SLC39A11: variants seen among roughly 807,000 people sequenced by gnomAD.
SLC39A11 encodes solute carrier family 39 member 11, also known as zinc transporter ZIP11.
SLC39A11 carries 33 observed loss-of-function variants against 36.1 expected under a neutral mutation model. The ratio of observed to expected loss-of-function variants is 0.91; its 90% confidence interval spans 0.69 to 1.22. The LOEUF (loss-of-function observed/expected upper bound fraction) is 1.22. SLC39A11 is among the 50% of genes most tolerant of loss of function. The pLI, the probability that SLC39A11 is intolerant of heterozygous loss-of-function variation, is 0.00. For missense variants in SLC39A11, 432 were observed against 430.3 expected (o/e 1.00, Z -0.03); for synonymous variants, 166 against 170.3 (o/e 0.97, Z 0.20).
chr17:73,029,862 A>G (rs527409405), intron 4 of SLC39A11, among the ~76,000 whole-genome samples: 2 of 152,322 alleles, frequency 1.3e-5, no homozygotes, highest in Non-Finnish European at 2.9e-5. Context: ...AATTACAGGC[A>G]TGAACCACTG....
chr17:72,767,043 G>C (rs56880183), intron 6 of SLC39A11, among the ~76,000 whole-genome samples: 2 of 152,130 alleles, frequency 1.3e-5, no homozygotes, highest in African/African-American at 4.8e-5. Flanking sequence ...CCAAGCCTGT[G>C]ATAAGCTCTC....
At chr17:72,953,299 TGAAGAA>T (rs535456337) in intron 4 of SLC39A11, among the ~76,000 whole-genome samples, 1 of 151,724 alleles carries the variant, frequency 6.6e-6, no homozygotes, top group African/African-American at 2.4e-5. Flanking sequence ...AGGCAGGAGC[TGAAGAA>T]GAAGAATAGC....
At chr17:72,950,994 G>C (rs985331605) in intron 4 of SLC39A11, among the ~76,000 whole-genome samples, 17 of 152,006 alleles carry the variant, frequency 1.1e-4, no homozygotes, top group African/African-American at 4.1e-4. Flanking sequence ...AGGCACAGTG[G>C]CTCATGCCTA....
chr17:72,702,091 G>A (rs1242861916), intron 7 of SLC39A11, among the ~76,000 whole-genome samples: 1 of 105,272 alleles, frequency 9.5e-6, no homozygotes, highest in Non-Finnish European at 2.1e-5. Context: ...AGGTAATGGA[G>A]TGAGACTCTG....
chr17:72,810,658 A>G (rs1285741270), intron 6 of SLC39A11, among the ~76,000 whole-genome samples: 10 of 152,006 alleles, frequency 6.6e-5, no homozygotes, highest in African/African-American at 2.4e-4. Context: ...TGATCTCAAT[A>G]GTGGTTATAT....
intron 2 of SLC39A11, among the ~76,000 whole-genome samples, chr17:73,088,130 C>T (rs919873629): frequency 6.6e-6 from 1 of 151,914 alleles, no homozygotes; most frequent in Non-Finnish European, 1.5e-5. Context: ...CCCACCTCTA[C>T]TAAAAATACA....
chr17:73,028,577 T>A (rs1301714111), intron 4 of SLC39A11, among the ~76,000 whole-genome samples: 2 of 152,108 alleles, frequency 1.3e-5, no homozygotes, highest in Non-Finnish European at 2.9e-5. Flanking sequence ...ACAGCAAGAA[T>A]TCATTTCTTT....
At chr17:72,850,912 G>T (rs550618065) in intron 5 of SLC39A11, among the ~76,000 whole-genome samples, 1 of 152,086 alleles carries the variant, frequency 6.6e-6, no homozygotes, top group African/African-American at 2.4e-5. Context: ...CAATTCAGAC[G>T]CCTGGCTCAG....
intron 5 of SLC39A11, among the ~76,000 whole-genome samples, chr17:72,944,558 C>T (rs1005712501): frequency 1.3e-5 from 2 of 152,310 alleles, no homozygotes; most frequent in Admixed American, 6.5e-5. Flanking sequence ...TACACACACA[C>T]ACAGACTTTG....
intron 4 of SLC39A11, among the ~76,000 whole-genome samples, chr17:72,991,028 TACAGAGAATA>T (rs2089138442): frequency 6.6e-6 from 1 of 152,100 alleles, no homozygotes; most frequent in South Asian, 2.1e-4. Flanking sequence ...TGTAGAAGAG[TACAGAGAATA>T]ACAAGATGTA....
chr17:72,686,528 C>A (rs2144367235), intron 7 of SLC39A11, among the ~76,000 whole-genome samples: 1 of 151,878 alleles, frequency 6.6e-6, no homozygotes, highest in African/African-American at 2.4e-5. Context: ...CTCCAGACCC[C>A]CCTCTGCTTG....
intron 7 of SLC39A11, among the ~76,000 whole-genome samples, chr17:72,665,743 A>G (rs1193645873): frequency 6.6e-6 from 1 of 152,080 alleles, no homozygotes; most frequent in Non-Finnish European, 1.5e-5. Context: ...CACCTTCTCA[A>G]TGAAATCTAC....
chr17:73,020,680 C>CTTTT (rs71154945), intron 4 of SLC39A11, among the ~76,000 whole-genome samples: 6,703 of 98,402 alleles, frequency 0.068, 607 homozygotes, highest in African/African-American at 0.16. Context: ...TTGTTTCTTT[C>CTTTT]TTTTTTTTTT....
At chr17:72,833,963 A>T (rs187031854) in intron 6 of SLC39A11, among the ~76,000 whole-genome samples, 166 of 152,360 alleles carry the variant, frequency 1.1e-3, no homozygotes, top group African/African-American at 2.6e-3. Flanking sequence ...GCTGACATTT[A>T]AATTATTTTA....
At chr17:72,699,768 A>T (rs923507628) in intron 7 of SLC39A11, among the ~76,000 whole-genome samples, 1 of 152,172 alleles carries the variant, frequency 6.6e-6, no homozygotes, top group Non-Finnish European at 1.5e-5. Flanking sequence ...GGACCAGGGG[A>T]CAAAGCCTTC....
chr17:73,079,744 C>T (rs999703514), intron 3 of SLC39A11, among the ~76,000 whole-genome samples: 8 of 152,110 alleles, frequency 5.3e-5, no homozygotes, highest in African/African-American at 1.9e-4. Flanking sequence ...ACCTAGAAAA[C>T]CCTGAAGACT....
intron 3 of SLC39A11, among the ~76,000 whole-genome samples, chr17:73,068,590 G>A (rs1383118620): frequency 1.3e-5 from 2 of 152,148 alleles, no homozygotes; most frequent in Admixed American, 6.5e-5. Flanking sequence ...GAACGGTGAT[G>A]CCAAACCCTT....
chr17:72,810,966 T>C (rs2077417738), intron 6 of SLC39A11, among the ~76,000 whole-genome samples: 1 of 152,136 alleles, frequency 6.6e-6, no homozygotes, highest in Non-Finnish European at 1.5e-5. Flanking sequence ...AATGCTGGGA[T>C]TACAGGCGTG....
intron 4 of SLC39A11, among the ~76,000 whole-genome samples, chr17:73,022,917 C>T (rs1482583385): frequency 1.3e-5 from 2 of 150,470 alleles, no homozygotes; most frequent in Admixed American, 6.6e-5. Flanking sequence ...TCCTGTTTCA[C>T]AAAGAAAAAA....
Sources: allele counts gnomAD v4.1 joint callset (sites outside exome capture counted in the v4.1 genomes callset), GRCh38; gene constraint gnomAD v4.1.1; transcripts MANE v1.5; gene names NCBI Gene and HGNC (gene_info 2026-07-23, HGNC 2026-07-21).